ZBTB7A: variants seen among roughly 807,000 people sequenced by gnomAD.
ZBTB7A encodes zinc finger and BTB domain containing 7A.
In ZBTB7A, 7 loss-of-function variants were observed where a neutral mutation model predicts 26.7. The observed-to-expected ratio is 0.26, with a 90% CI of 0.15 to 0.49. The LOEUF (loss-of-function observed/expected upper bound fraction) is 0.49. Ranked by LOEUF, ZBTB7A falls within the 20% of genes least tolerant of loss-of-function variation. The pLI is 0.98. For synonymous variants in ZBTB7A, 452 were observed against 441.0 expected, an observed-to-expected ratio of 1.02 and a Z score of -0.31; for missense variants, 617 against 919.5, an observed-to-expected ratio of 0.67 and a Z score of 4.25.
chr19:4,058,513 C>T (rs968586253), intron 1 of ZBTB7A, among the ~76,000 whole-genome samples: 17 of 152,122 alleles, frequency 1.1e-4, no homozygotes, highest in Non-Finnish European at 2.5e-4. Flanking sequence ...TGGCCCCTGT[C>T]CCCACCCCTC....
At chr19:4,057,204 C>T (rs570918094) in intron 1 of ZBTB7A, among the ~76,000 whole-genome samples, 22 of 149,316 alleles carry the variant, frequency 1.5e-4, no homozygotes, top group Admixed American at 1.4e-3. Context: ...CAAAATTAGC[C>T]AGGTGTGGTG....
At chr19:4,056,219 C>A (rs984052934) in intron 1 of ZBTB7A, among the ~76,000 whole-genome samples, 2 of 152,000 alleles carry the variant, frequency 1.3e-5, no homozygotes, top group Admixed American at 1.3e-4. Context: ...CTGTCCTGCC[C>A]CCAGCCTCAA....
rs993232788 is a variant in ZBTB7A at position 4,043,537 on chromosome 19, C to G, written c.*4215G>C. 6.6e-6 allele frequency among the ~76,000 whole-genome samples: 1 copy of G among 151,720 alleles called. No individual in the cohort carries two copies. Among genetic ancestry groups the G allele is most frequent in the African/African-American group, 2.4e-5 (1 of 41,244 alleles). On this transcript the variant is annotated 3_prime_UTR_variant, in exon 3 of 3. Coordinates refer to ENST00000322357, the MANE Select transcript of ZBTB7A (RefSeq NM_015898.4). ...ATGTCTATCTGTCTGTGCTCTGTAC[C>G]CTGAGGGCGCCGCCCCGCCCCCCAT...
chr19:4,052,133 C>G lies in ZBTB7A; in HGVS notation c.1262+1838G>C, dbSNP rs2040510191. On this transcript the variant is annotated intron_variant, in intron 2 of 2. Transcript: ENST00000322357. This position sits in a 1 kb window ranked among gnomAD's most constrained non-coding sequence, Gnocchi z 4.9. Reference sequence around the variant, plus strand: ...CCTCTCTAAGCCTCAGTTTCTCTGACTGAGGGGATCAGCCCCGGGTCGGGT... The same window carrying G: ...CCTCTCTAAGCCTCAGTTTCTCTGAGTGAGGGGATCAGCCCCGGGTCGGGT... 6.6e-6 allele frequency among the ~76,000 whole-genome samples: 1 copy of G among 152,178 alleles called. No homozygotes were observed. Among genetic ancestry groups the G allele is most frequent in the Non-Finnish European group, 1.5e-5 (1 of 68,020 alleles).
rs1322139115 is a variant in ZBTB7A at position 4,043,974 on chromosome 19, T to C, written c.*3778A>G. ...TTTTTTTGTTGGTTTTTAATATTTTTTTTTCTTCTGTTTTTCCTTTCATTC... is the reference window on the plus strand; with the variant it reads ...TTTTTTTGTTGGTTTTTAATATTTTCTTTTCTTCTGTTTTTCCTTTCATTC... On this transcript the variant is annotated 3_prime_UTR_variant, in exon 3 of 3. Transcript: ENST00000322357. 3.9e-5 allele frequency among the ~76,000 whole-genome samples: 6 copies of C among 152,222 alleles called. No homozygotes were observed. Among genetic ancestry groups the C allele is most frequent in the African/African-American group, 1.4e-4 (6 of 41,534 alleles).
At chr19:4,057,247 C>G (rs2040590055) in intron 1 of ZBTB7A, among the ~76,000 whole-genome samples, 1 of 151,782 alleles carries the variant, frequency 6.6e-6, no homozygotes, top group African/African-American at 2.4e-5. Context: ...ACTCGGGAGG[C>G]TGAGGCAGGA....
At chr19:4,063,932 A>T (rs529364011) in intron 1 of ZBTB7A, among the ~76,000 whole-genome samples, 71 of 152,290 alleles carry the variant, frequency 4.7e-4, no homozygotes, top group African/African-American at 1.6e-3. Flanking sequence ...TTTCCTCCTC[A>T]TATGGCAACG....
At chr19:4,064,661 G>A (rs2040673530) in intron 1 of ZBTB7A, among the ~76,000 whole-genome samples, 1 of 152,226 alleles carries the variant, frequency 6.6e-6, no homozygotes, top group South Asian at 2.1e-4. Flanking sequence ...GGGGGGCACT[G>A]ACACGGAATC....
intron 1 of ZBTB7A, among the ~76,000 whole-genome samples, chr19:4,060,130 G>GC (rs139031006): frequency 0.056 from 8,594 of 152,198 alleles, 793 homozygotes; most frequent in African/African-American, 0.2. Context: ...TGACTCGGCG[G>GC]CCGAGGGGCA....
Position 4,046,425 on chromosome 19 carries a change from T to G in ZBTB7A, c.*1327A>C, listed in dbSNP as rs2040417743. ...CTCGCTCTCTCTCTCGCTCTCTCTC[T>G]CGCTCGCTTTTTTTTTTTTTTTTTG... On this transcript the variant is annotated 3_prime_UTR_variant, in exon 3 of 3. Coordinates refer to ENST00000322357, the MANE Select transcript of ZBTB7A (RefSeq NM_015898.4). The G allele has an allele frequency of 7.6e-6, 1 of 131,302 alleles. No individual in the cohort carries two copies. Among genetic ancestry groups the G allele is most frequent in the Non-Finnish European group, 1.5e-5 (1 of 67,374 alleles). The allele number at this position is 131,302 out of a possible 1,614,324, so 8.1% of individuals were successfully genotyped here. A position where few individuals can be genotyped will look rare whatever the true frequency, so the allele number is the denominator to read the frequency against.
At chr19:4,065,787 T>G (rs2040689844) in intron 1 of ZBTB7A, 1 of 136,306 alleles carries the variant, frequency 7.3e-6, no homozygotes, top group Admixed American at 7.1e-5. Context: ...TGGGGACGGT[T>G]ACACAACCAG....
chr19:4,049,183 T>C (rs1480500375), intron 2 of ZBTB7A, among the ~76,000 whole-genome samples: 2 of 23,212 alleles, frequency 8.6e-5, no homozygotes, highest in Non-Finnish European at 2.7e-4. Context: ...TATATATATA[T>C]ATATATATAT....
At chr19:4,061,812 T>A (rs2040640966) in intron 1 of ZBTB7A, 1 of 152,148 alleles carries the variant, frequency 6.6e-6, no homozygotes, top group African/African-American at 2.4e-5. Context: ...GTTCCCACAC[T>A]CTGAGATGTC....
intron 1 of ZBTB7A, among the ~76,000 whole-genome samples, chr19:4,063,208 C>T (rs1166120567): frequency 1.3e-5 from 2 of 152,176 alleles, no homozygotes; most frequent in African/African-American, 4.8e-5. Context: ...CCACGGGTGG[C>T]TTTGCAGGCA....
intron 2 of ZBTB7A, among the ~76,000 whole-genome samples, chr19:4,053,092 A>G (rs2040521353): frequency 6.6e-6 from 1 of 152,104 alleles, no homozygotes; most frequent in African/African-American, 2.4e-5. Flanking sequence ...CCCTCTCCCA[A>G]AGCAGAAAAA....
At position 4,047,807 on chromosome 19, in the gene ZBTB7A, C is replaced by T; in HGVS notation, c.1700G>A (p.Ser567Asn). The change falls in exon 3 of 3, where the codon AGC (serine) becomes AAC (asparagine). Residue 567 changes from serine to asparagine, a missense_variant. Around this residue, in one of 5 missense-constraint regions of ZBTB7A, gnomAD observed 136 missense variants for 126.6 expected, o/e 1.07. Coordinates refer to ENST00000322357, the MANE Select transcript of ZBTB7A (RefSeq NM_015898.4). Reference sequence around the variant, plus strand: ...GGTGGCGGCCCCGGGGCCACCTCCGCTGTCACCTCCTCCACCGGCGCCCGC... The same window carrying T: ...GGTGGCGGCCCCGGGGCCACCTCCGTTGTCACCTCCTCCACCGGCGCCCGC... Reference protein sequence around the residue: ...NVAGAGGGGDSGGGPGAATDG... With the variant: ...NVAGAGGGGDNGGGPGAATDG... 6.2e-7 allele frequency: 1 copy of T among 1,604,304 alleles called. No individual in the cohort carries two copies. The highest frequency in any genetic ancestry group is 8.5e-7 in the Non-Finnish European group (1 of 1,176,116).
rs1599247148 is a variant in ZBTB7A at position 4,047,814 on chromosome 19, C to T, written c.1693G>A (p.Gly565Ser). The T allele has an allele frequency of 2.5e-6, 4 of 1,604,808 alleles. No individual in the cohort carries two copies. The highest frequency in any genetic ancestry group is 1.7e-5 in the Admixed American group (1 of 58,962). ...RLNVAGAGGG[G>S]DSGGGPGAAT... is the part of the protein sequence containing the mutation. The stretch of plus-strand genomic sequence containing the variant: ...GCCCCGGGGCCACCTCCGCTGTCAC[C>T]TCCTCCACCGGCGCCCGCTACATTC... The change falls in exon 3 of 3, where the codon GGT becomes AGT. Residue 565 changes from glycine (G) to serine (S), a missense_variant. Coordinates refer to ENST00000322357, the MANE Select transcript of ZBTB7A (RefSeq NM_015898.4).
chr19:4,060,382 T>C (rs1188310567), intron 1 of ZBTB7A, among the ~76,000 whole-genome samples: 1 of 152,054 alleles, frequency 6.6e-6, no homozygotes, highest in Non-Finnish European at 1.5e-5. Flanking sequence ...CTTGCTGTAG[T>C]GTTTGTCGAG....
chr19:4,055,475 G>C (rs1037686350), intron 1 of ZBTB7A: 1 of 985,122 alleles, frequency 1.0e-6, no homozygotes, highest in Admixed American at 6.2e-5. Flanking sequence ...TTTCTTTTTT[G>C]TGTGTCTTTA....
Sources: allele counts gnomAD v4.1 joint callset (sites outside exome capture counted in the v4.1 genomes callset), GRCh38; gene constraint gnomAD v4.1.1; regional missense constraint gnomAD v4.1.1; non-coding constraint Gnocchi (gnomAD v3.1); transcripts MANE v1.5; gene names NCBI Gene and HGNC (gene_info 2026-07-23, HGNC 2026-07-21).